Variants in IQCB1 observed in about 807,000 individuals in gnomAD.
IQCB1 encodes the protein IQ motif containing B1.
Under a neutral mutation model 84.4 loss-of-function variants are expected in IQCB1, and 56 were observed. The observed-to-expected ratio is 0.66, with a 90% CI of 0.54 to 0.83. The LOEUF is 0.83. Ranked by LOEUF, IQCB1 falls within the 40% of genes least tolerant of loss-of-function variation. The pLI, the probability that IQCB1 is intolerant of heterozygous loss-of-function variation, is 0.00. For missense variants in IQCB1, 629 were observed against 682.1 expected (o/e 0.92, Z 0.87); for synonymous variants, 210 against 234.8 (o/e 0.89, Z 0.96).
chr3:121,787,240 G>A (rs6771049), intron 12 of IQCB1, among the ~76,000 whole-genome samples: 97,684 of 151,622 alleles, frequency 0.64, 31,938 homozygotes, highest in African/African-American at 0.72. Flanking sequence ...TTCAAAATCT[G>A]TCACAGTAGA....
At chr3:121,803,968 G>A (rs1315470486) in intron 7 of IQCB1, among the ~76,000 whole-genome samples, 3 of 151,268 alleles carry the variant, frequency 2.0e-5, no homozygotes, top group Non-Finnish European at 4.4e-5. Context: ...CTACCACTTG[G>A]TTTTGTTTCT....
chr3:121,826,112 G>T lies in IQCB1; in HGVS notation c.332C>A (p.Ala111Asp). 7 of 1,612,700 alleles carry T rather than the reference G, an allele frequency of 4.3e-6. No individual in the cohort carries two copies. The highest frequency in any genetic ancestry group is 5.9e-6 in the Non-Finnish European group (7 of 1,178,730). The change falls in exon 5 of 15, where the codon GCT (alanine) becomes GAT (aspartate). Residue 111 changes from alanine (A) to aspartate (D), a missense_variant. By Grantham distance (126) the Ala-to-Asp change is moderately radical (BLOSUM62 -2). Transcript: ENST00000310864. ...CCCCAAAACTAGAAAATTTTCTGCA[G>T]CTGATGGAAGTAATTCATTGTAAAA... The part of the protein sequence containing the change: ...EEFYNELLPS[A>D]AENFLVLGRQ...
rs1276848806 is a variant in IQCB1 at position 121,770,537 on chromosome 3, A to G, written c.1605T>C (p.Pro535=). The change falls in exon 15 of 15, where the codon CCT becomes CCC. Residue 535 remains proline (P), a synonymous_variant. Coordinates refer to ENST00000310864, the MANE Select transcript of IQCB1 (RefSeq NM_001023570.4). ...PSLKEAEGKE[P]ELFLSRSRPV... ...GCCTGGATCTACTTAGGAAGAGCTC[A>G]GGTTCTTTCCCTTCTGCCTCCTTCA... is the stretch of plus-strand genomic sequence containing the variant. 3 of 1,614,008 alleles carry G rather than the reference A, an allele frequency of 1.9e-6. No individual in the cohort carries two copies. In the African/African-American group the frequency reaches 4.0e-5, roughly 22 times the overall value.
intron 12 of IQCB1, among the ~76,000 whole-genome samples, chr3:121,787,703 A>T (rs993160432): frequency 6.6e-6 from 1 of 151,738 alleles, no homozygotes; most frequent in African/African-American, 2.4e-5. Flanking sequence ...GTGAGCCAAG[A>T]TCGTGCCATT....
At chr3:121,788,221 G>T in intron 12 of IQCB1, 63 bp downstream of exon 12, 1 of 1,494,064 alleles carries the variant, frequency 6.7e-7, no homozygotes, top group South Asian at 1.1e-5. Flanking sequence ...AATTAGCAAA[G>T]TCAGTTTTGA....
chr3:121,783,574 AC>A (rs1317400222), intron 12 of IQCB1, among the ~76,000 whole-genome samples: 2 of 152,140 alleles, frequency 1.3e-5, no homozygotes, highest in African/African-American at 4.8e-5. Context: ...TTTCCATACT[AC>A]CGATTATATT....
At chr3:121,812,937 G>A (rs1407839244) in intron 5 of IQCB1, among the ~76,000 whole-genome samples, 4 of 152,074 alleles carry the variant, frequency 2.6e-5, no homozygotes, top group Non-Finnish European at 5.9e-5. Flanking sequence ...GATACTCCTC[G>A]AGAATAGTAA....
intron 13 of IQCB1, among the ~76,000 whole-genome samples, chr3:121,779,382 C>T (rs376259571): frequency 1.3e-5 from 2 of 152,088 alleles, no homozygotes; most frequent in African/African-American, 4.8e-5. Flanking sequence ...TATGGCTTCA[C>T]CTATATTAAT....
intron 4 of IQCB1, among the ~76,000 whole-genome samples, chr3:121,827,311 T>TTTG (rs920290058): frequency 6.6e-6 from 1 of 152,090 alleles, no homozygotes. Context: ...TGTATCACTT[T>TTTG]TTGTTGTTGT....
chr3:121,830,849 C>T (rs1376546739), intron 2 of IQCB1, among the ~76,000 whole-genome samples: 2 of 152,214 alleles, frequency 1.3e-5, no homozygotes, highest in African/African-American at 4.8e-5. Flanking sequence ...ATGGGTCTTG[C>T]CCTATATCCT....
intron 10 of IQCB1, among the ~76,000 whole-genome samples, chr3:121,790,916 T>A (rs1407554493): frequency 6.6e-6 from 1 of 152,208 alleles, no homozygotes; most frequent in East Asian, 1.9e-4. Flanking sequence ...TAACTGGTTA[T>A]GAAAATTTTC....
intron 6 of IQCB1, among the ~76,000 whole-genome samples, chr3:121,808,054 T>C (rs1477253273): frequency 1.3e-5 from 2 of 151,996 alleles, no homozygotes; most frequent in Non-Finnish European, 2.9e-5. Flanking sequence ...TAATGTAAAA[T>C]ATCCTAGAAC....
chr3:121,822,978 T>A (rs1321424569), intron 5 of IQCB1, among the ~76,000 whole-genome samples: 2 of 152,078 alleles, frequency 1.3e-5, no homozygotes, highest in Non-Finnish European at 1.5e-5. Flanking sequence ...ATAAAAAGAC[T>A]CTCAAATGAT....
At chr3:121,808,870 T>A in intron 6 of IQCB1, 46 bp downstream of exon 6, 1 of 1,142,826 alleles carries the variant, frequency 8.8e-7, no homozygotes, top group Non-Finnish European at 1.3e-6. Flanking sequence ...CTGTTAGCAG[T>A]TGACTCTACA....
At chr3:121,800,925 A>C (rs1949385006) in intron 7 of IQCB1, among the ~76,000 whole-genome samples, 1 of 151,922 alleles carries the variant, frequency 6.6e-6, no homozygotes, top group Non-Finnish European at 1.5e-5. Context: ...ATAACTTCCC[A>C]AATGTCAAGT....
intron 13 of IQCB1, among the ~76,000 whole-genome samples, chr3:121,779,673 G>C (rs1948390829): frequency 6.6e-6 from 1 of 152,022 alleles, no homozygotes; most frequent in Non-Finnish European, 1.5e-5. Context: ...TTTAATATTT[G>C]ATTAGCTGCT....
At position 121,790,060 on chromosome 3, in the gene IQCB1, T is replaced by C. The variant is rs371443898; in HGVS notation, c.1129+13A>G. The C allele has an allele frequency of 1.7e-5, 27 of 1,608,106 alleles. No homozygotes were observed. In the Middle Eastern group the frequency reaches 4.9e-4, roughly 29 times the overall value. On this transcript the variant is annotated intron_variant, in intron 11 of 14. Coordinates refer to ENST00000310864, the MANE Select transcript of IQCB1 (RefSeq NM_001023570.4). Reference sequence around the variant, plus strand: ...AATATTCTTATATTGATAAAGTTGATACTGCCACTCACCTGGATGAACTAT... The same window carrying C: ...AATATTCTTATATTGATAAAGTTGACACTGCCACTCACCTGGATGAACTAT...
At position 121,819,746 on chromosome 3, in the gene IQCB1, T is replaced by C. The variant is rs143332009; in HGVS notation, c.393+6305A>G. ...TTTACTCATGAGTAATCTAACTCTA[T>C]AGTGTTGCCATCCAATAGAAATATA... On this transcript the variant is annotated intron_variant, in intron 5 of 14. Coordinates refer to ENST00000310864, the MANE Select transcript of IQCB1 (RefSeq NM_001023570.4). 5.8e-4 allele frequency among the ~76,000 whole-genome samples: 88 copies of C among 152,276 alleles called. No individual in the cohort carries two copies. The East Asian group carries it at 0.013, about 22-fold the overall frequency.
chr3:121,834,045 C>T (rs527897367), intron 2 of IQCB1: 1 of 152,316 alleles, frequency 6.6e-6, no homozygotes, highest in Admixed American at 6.5e-5. Context: ...CAAAGTCACA[C>T]TGTTAAGTAT....
Sources: gnomAD v4.1 joint callset for allele counts (sites outside exome capture counted in the v4.1 genomes callset) on GRCh38, gnomAD v4.1.1 for gene constraint, MANE v1.5 for transcripts, NCBI Gene and HGNC (gene_info 2026-07-23, HGNC 2026-07-21) for gene names.